LMCD1: variants seen among roughly 807,000 people sequenced by gnomAD.
The protein encoded by LMCD1 is LIM and cysteine-rich domains protein 1.
A neutral mutation model predicts 42.7 loss-of-function variants in LMCD1; 32 were observed. That is an observed-to-expected ratio of 0.75 (90% CI 0.57 to 1.01). The LOEUF (loss-of-function observed/expected upper bound fraction) is 1.01, where lower values mean the gene tolerates loss of function less well. Ranked by LOEUF, LMCD1 falls within the 50% of genes least tolerant of loss-of-function variation. LMCD1 has a pLI of 0.00. For missense variants in LMCD1, 458 were observed against 483.1 expected (o/e 0.95, Z 0.49); for synonymous variants, 178 against 184.9 (o/e 0.96, Z 0.30).
intron 4 of LMCD1, among the ~76,000 whole-genome samples, chr3:8,558,358 A>G (rs1388317791): frequency 2.0e-5 from 3 of 152,356 alleles, no homozygotes; most frequent in East Asian, 1.9e-4. Flanking sequence ...AAAGGCCCCA[A>G]TATTCAAAAT....
At chr3:8,550,853 G>A (rs939088934) in intron 4 of LMCD1, 11 of 984,828 alleles carry the variant, frequency 1.1e-5, no homozygotes, top group Middle Eastern at 5.2e-4. Context: ...TTTCCAAATC[G>A]CCATTCCCAA....
At chr3:8,551,126 A>G (rs757738482) in intron 4 of LMCD1, 12 of 985,264 alleles carry the variant, frequency 1.2e-5, no homozygotes, top group Non-Finnish European at 1.3e-5. Context: ...ATAGACTTCT[A>G]TGTCCCTGCC....
intron 4 of LMCD1, among the ~76,000 whole-genome samples, chr3:8,554,720 G>C (rs1694900463): frequency 6.6e-6 from 1 of 152,182 alleles, no homozygotes; most frequent in South Asian, 2.1e-4. Flanking sequence ...TGATCTTCAT[G>C]TTCTGACTCT....
At chr3:8,502,322 T>TATATAAAATATATAATATATTATATAAA (rs1559342131) in intron 1 of LMCD1, among the ~76,000 whole-genome samples, 1 of 8,538 alleles carries the variant, frequency 1.2e-4, no homozygotes, top group Non-Finnish European at 3.1e-4. Flanking sequence ...AAATATATAT[T>TATATAAAATATATAATATATTATATAAA]ATATATAATA....
Position 8,570,682 on chromosome 3 carries a change from C to G in LMCD1, c.*3084C>G, listed in dbSNP as rs758064698. 1 of 152,296 alleles carries G rather than the reference C, an allele frequency of 6.6e-6. No homozygotes were observed. The highest frequency in any genetic ancestry group is 1.5e-5 in the Non-Finnish European group (1 of 68,094). 9.4% of individuals were successfully genotyped at this position (152,296 alleles called of 1,614,324 possible). The stretch of plus-strand genomic sequence containing the variant: ...TCTCCCCGACGGGAACTCACCCTCT[C>G]CACCCACCACTTCCAGATGAATTGC... On this transcript the variant is annotated 3_prime_UTR_variant, in exon 6 of 6. Transcript: ENST00000157600.
chr3:8,504,215 G>A (rs73127922), intron 1 of LMCD1, among the ~76,000 whole-genome samples: 2 of 152,152 alleles, frequency 1.3e-5, no homozygotes, highest in Non-Finnish European at 2.9e-5. Flanking sequence ...GAGGAGAGCC[G>A]AGAAGCTCCC....
rs1695229721 is a variant in LMCD1 at position 8,572,166 on chromosome 3, T to A, written c.*4568T>A. 6.6e-6 allele frequency: 1 copy of A among 152,254 alleles called. No homozygotes were observed. The highest frequency in any genetic ancestry group is 2.4e-5 in the African/African-American group (1 of 41,474). The allele number at this position is 152,254 out of a possible 1,614,324, so 9.4% of individuals were successfully genotyped here. A position where few individuals can be genotyped will look rare whatever the true frequency, so the allele number is the denominator to read the frequency against. On this transcript the variant is annotated 3_prime_UTR_variant, in exon 6 of 6. Coordinates refer to ENST00000157600, the MANE Select transcript of LMCD1 (RefSeq NM_014583.4). ...TTAGAAGATTAAAGGTTATTTAAAGTTGTTGAGTTAAATATCCATTAAATT... is the reference window on the plus strand; with the variant it reads ...TTAGAAGATTAAAGGTTATTTAAAGATGTTGAGTTAAATATCCATTAAATT...
chr3:8,532,770 G>A lies in LMCD1; in HGVS notation c.76G>A (p.Val26Met), dbSNP rs1467786859. Residue 26 changes from valine to methionine, a missense_variant, in exon 2 of 6, where the codon GTG becomes ATG. Val to Met is a conservative substitution (Grantham distance 21). Coordinates refer to ENST00000157600, the MANE Select transcript of LMCD1 (RefSeq NM_014583.4). ...GGGCCAGCTGCAGTCAGCAAGAGGT[G>A]TGGCATGTTTGGGATGCAAGGGGAC... is the stretch of plus-strand genomic sequence containing the variant. ...SLGQLQSARG[V>M]ACLGCKGTCS... 5 of 1,613,908 alleles carry A rather than the reference G, an allele frequency of 3.1e-6. No homozygotes were observed. The highest frequency in any genetic ancestry group is 3.4e-6 in the Non-Finnish European group (4 of 1,179,946).
At chr3:8,554,083 C>T (rs1354207701) in intron 4 of LMCD1, among the ~76,000 whole-genome samples, 1 of 152,164 alleles carries the variant, frequency 6.6e-6, no homozygotes, top group Non-Finnish European at 1.5e-5. Context: ...CTCACTCTCT[C>T]ACCCAGGCTG....
chr3:8,557,276 G>A (rs570183104), intron 4 of LMCD1, among the ~76,000 whole-genome samples: 2 of 152,338 alleles, frequency 1.3e-5, no homozygotes, highest in South Asian at 2.1e-4. Context: ...ACATGAGGCT[G>A]CAAAGCAAAG....
At position 8,548,839 on chromosome 3, in the gene LMCD1, G is replaced by T; in HGVS notation, c.659G>T (p.Gly220Val). The T allele has an allele frequency of 6.3e-7, 1 of 1,592,730 alleles. No individual in the cohort carries two copies. The highest frequency in any genetic ancestry group is 1.1e-5 in the South Asian group (1 of 88,134). Reference sequence around the variant, plus strand: ...GGGAAGCAGCAGGAAAAGCCAGAGGGGGCAGAGACCACTGCTGCTACCACC... The same window carrying T: ...GGGAAGCAGCAGGAAAAGCCAGAGGTGGCAGAGACCACTGCTGCTACCACC... Reference protein sequence around the residue: ...EEGKQQEKPEGAETTAATTNG... With the variant: ...EEGKQQEKPEVAETTAATTNG... The change falls in exon 4 of 6, where the codon GGG (glycine) becomes GTG (valine). Residue 220 changes from glycine (G) to valine (V), a missense_variant. Coordinates refer to ENST00000157600, the MANE Select transcript of LMCD1 (RefSeq NM_014583.4).
intron 4 of LMCD1, among the ~76,000 whole-genome samples, chr3:8,555,312 G>A (rs1694915102): frequency 6.6e-6 from 1 of 152,180 alleles, no homozygotes; most frequent in African/African-American, 2.4e-5. Flanking sequence ...CTAAGCAGAT[G>A]TTTGGCTTGT....
intron 2 of LMCD1, among the ~76,000 whole-genome samples, chr3:8,536,825 C>G (rs1455836500): frequency 6.6e-6 from 1 of 152,108 alleles, no homozygotes; most frequent in Non-Finnish European, 1.5e-5. Flanking sequence ...TTTACAAGAG[C>G]AGATTGTGGG....
At chr3:8,525,366 C>G (rs2125018502) in intron 1 of LMCD1, among the ~76,000 whole-genome samples, 1 of 152,002 alleles carries the variant, frequency 6.6e-6, no homozygotes, top group East Asian at 1.9e-4. Context: ...TGGCATTATT[C>G]TTATTCCTTT....
intron 2 of LMCD1, among the ~76,000 whole-genome samples, chr3:8,534,648 G>A (rs1190770943): frequency 1.3e-5 from 2 of 152,216 alleles, no homozygotes; most frequent in Non-Finnish European, 2.9e-5. Context: ...TGACCAAAGT[G>A]CCAACCAACA....
chr3:8,555,951 C>T (rs911359048), intron 4 of LMCD1, among the ~76,000 whole-genome samples: 9 of 152,230 alleles, frequency 5.9e-5, no homozygotes, highest in South Asian at 2.1e-4. Flanking sequence ...CATAAACAGG[C>T]GGTGGGCTAG....
intron 3 of LMCD1, among the ~76,000 whole-genome samples, chr3:8,547,850 C>G (rs1208972224): frequency 6.6e-6 from 1 of 151,968 alleles, no homozygotes; most frequent in Admixed American, 6.5e-5. Flanking sequence ...CACACCACCG[C>G]ACTCCAGCCT....
intron 1 of LMCD1, among the ~76,000 whole-genome samples, chr3:8,507,881 C>T (rs2125009580): frequency 6.6e-6 from 1 of 152,346 alleles, no homozygotes; most frequent in East Asian, 1.9e-4. Context: ...ATGATTATTA[C>T]TGTGACTTTC....
At chr3:8,555,175 CG>C (rs571684984) in intron 4 of LMCD1, among the ~76,000 whole-genome samples, 46 of 152,258 alleles carry the variant, frequency 3.0e-4, no homozygotes, top group African/African-American at 1.1e-3. Context: ...GGGAGGCCTC[CG>C]TCCCCTCCCT....
Sources: gnomAD v4.1 joint callset for allele counts (sites outside exome capture counted in the v4.1 genomes callset) on GRCh38, gnomAD v4.1.1 for gene constraint, MANE v1.5 for transcripts, NCBI Gene and HGNC (gene_info 2026-07-23, HGNC 2026-07-21) for gene names.